Variants in ZFHX4 observed in about 807,000 individuals in gnomAD.
ZFHX4 encodes zinc finger homeobox protein 4.
A neutral mutation model predicts 267.6 loss-of-function variants in ZFHX4; 56 were observed. The observed-to-expected ratio is 0.21, with a 90% CI of 0.17 to 0.26. ZFHX4 has a LOEUF of 0.26. Among genes scored for constraint, ZFHX4 ranks in the 10% least tolerant of loss-of-function variants. The pLI is 1.00. For missense variants in ZFHX4, 4,332 were observed against 4,420.0 expected (o/e 0.98, Z 0.56); for synonymous variants, 1,778 against 1,665.6 (o/e 1.07, Z -1.64).
At chr8:76,808,307 A>G (rs955961919) in intron 4 of ZFHX4, among the ~76,000 whole-genome samples, 1 of 152,138 alleles carries the variant, frequency 6.6e-6, no homozygotes, top group Non-Finnish European at 1.5e-5. Flanking sequence ...CACCCAAATA[A>G]TCTATCTAAA....
At chr8:76,769,855 T>C (rs1192389471) in intron 3 of ZFHX4, among the ~76,000 whole-genome samples, 1 of 152,174 alleles carries the variant, frequency 6.6e-6, no homozygotes, top group Non-Finnish European at 1.5e-5. Context: ...TCCTGCCATA[T>C]TATTTGGTAT....
In ZFHX4 at chr8:76,840,512, T is replaced by C. The variant is rs1812207256; in HGVS notation, c.3395-2143T>C. ...GAAGAAGAGGACCCTGCAAAATCTC[T>C]CTGATGAGACCCAGATTATATACTG... is the stretch of plus-strand genomic sequence containing the variant. On this transcript the variant is annotated intron_variant, in intron 5 of 10. Coordinates refer to ENST00000651372, the MANE Select transcript of ZFHX4 (RefSeq NM_024721.5). Among the ~76,000 whole-genome samples, 3 of 152,204 alleles carry C rather than the reference T, an allele frequency of 2.0e-5. No homozygotes were observed. In the South Asian group the frequency reaches 6.2e-4, roughly 31 times the overall value.
At chr8:76,786,923 G>C (rs1025604145) in intron 4 of ZFHX4, among the ~76,000 whole-genome samples, 1 of 152,134 alleles carries the variant, frequency 6.6e-6, no homozygotes, top group Non-Finnish European at 1.5e-5. Context: ...ACCATCCATA[G>C]CATGATTGCT....
chr8:76,722,844 T>A (rs1808759778), intron 3 of ZFHX4, among the ~76,000 whole-genome samples: 1 of 152,034 alleles, frequency 6.6e-6, no homozygotes, highest in Non-Finnish European at 1.5e-5. Flanking sequence ...TTATTATTGG[T>A]AAGGCACTTT....
chr8:76,849,933 C>T, intron 8 of ZFHX4: 1 of 597,208 alleles, frequency 1.7e-6, no homozygotes, highest in Non-Finnish European at 2.9e-6. Flanking sequence ...CATTATTTTG[C>T]AGTCTTCTTT....
intron 4 of ZFHX4, among the ~76,000 whole-genome samples, chr8:76,787,204 T>C (rs1347522978): frequency 1.3e-5 from 2 of 152,126 alleles, no homozygotes; most frequent in Admixed American, 6.5e-5. Context: ...GTTTATAGTT[T>C]AAGGGGAAAA....
At chr8:76,798,955 T>C (rs1811051370) in intron 4 of ZFHX4, among the ~76,000 whole-genome samples, 1 of 152,202 alleles carries the variant, frequency 6.6e-6, no homozygotes, top group East Asian at 1.9e-4. Flanking sequence ...AGAGGATATT[T>C]TGTTTATTCA....
rs1386633743 is a variant in ZFHX4 at position 76,836,721 on chromosome 8, G to T, written c.3394+3315G>T. Reference sequence around the variant, plus strand: ...AAGTGAAATAGTAAGCTATGACAAGGTTCAAGCAGAAGAATGGATTGATTT... The same window carrying T: ...AAGTGAAATAGTAAGCTATGACAAGTTTCAAGCAGAAGAATGGATTGATTT... On this transcript the variant is annotated intron_variant, in intron 5 of 10. Coordinates refer to ENST00000651372, the MANE Select transcript of ZFHX4 (RefSeq NM_024721.5). Among the ~76,000 whole-genome samples, 6 of 152,010 alleles carry T rather than the reference G, an allele frequency of 3.9e-5. No homozygotes were observed. The South Asian group carries it at 1.2e-3, about 32-fold the overall frequency.
chr8:76,838,825 T>C (rs953570122), intron 5 of ZFHX4, among the ~76,000 whole-genome samples: 1 of 151,878 alleles, frequency 6.6e-6, no homozygotes, highest in Non-Finnish European at 1.5e-5. Context: ...AAAGGCTGAG[T>C]TGGCGGATCA....
chr8:76,846,599 G>A (rs1215220650), intron 6 of ZFHX4, among the ~76,000 whole-genome samples: 1 of 151,842 alleles, frequency 6.6e-6, no homozygotes, highest in East Asian at 1.9e-4. Context: ...TATTTTTGAT[G>A]AATATTAATA....
Position 76,850,227 on chromosome 8 carries a change from C to A in ZFHX4, c.3847-18C>A. The A allele has an allele frequency of 1.9e-6, 3 of 1,592,078 alleles. No homozygotes were observed. Among genetic ancestry groups the A allele is most frequent in the Non-Finnish European group, 2.6e-6 (3 of 1,164,844 alleles). The stretch of plus-strand genomic sequence containing the variant: ...ATTTCTGGGGTACATTTAACATAAA[C>A]CCCTTTGGTTTCCAAAGGTGCCTGT... On this transcript the variant is annotated intron_variant, in intron 8 of 10. Coordinates refer to ENST00000651372, the MANE Select transcript of ZFHX4 (RefSeq NM_024721.5).
At position 76,829,963 on chromosome 8, in the gene ZFHX4, C is replaced by CA. The variant is rs1023107051; in HGVS notation, c.3326-3368dup. ...TGAACGCTAGAAATAAATGCAGAAT[C>CA]AAAAAAAGGAAAGCTACTTTCCTTT... On this transcript the variant is annotated intron_variant, in intron 4 of 10. Coordinates refer to ENST00000651372, the MANE Select transcript of ZFHX4 (RefSeq NM_024721.5). Among the ~76,000 whole-genome samples the CA allele has an allele frequency of 2.6e-5, 4 of 151,738 alleles. 1 individual carries two copies. Among genetic ancestry groups the CA allele is most frequent in the African/African-American group, 9.7e-5 (4 of 41,300 alleles).
intron 5 of ZFHX4, among the ~76,000 whole-genome samples, chr8:76,842,426 G>A (rs533672613): frequency 2.4e-4 from 36 of 152,156 alleles, no homozygotes; most frequent in African/African-American, 8.7e-4. Flanking sequence ...ATTTAGTATA[G>A]ACCCATCCTC....
intron 3 of ZFHX4, among the ~76,000 whole-genome samples, chr8:76,715,207 T>A (rs1253273796): frequency 6.6e-6 from 1 of 152,024 alleles, no homozygotes; most frequent in African/African-American, 2.4e-5. Context: ...TAATAAAGAA[T>A]GCAGGCCAGG....
At chr8:76,837,892 A>C (rs980587702) in intron 5 of ZFHX4, among the ~76,000 whole-genome samples, 9 of 152,218 alleles carry the variant, frequency 5.9e-5, no homozygotes, top group African/African-American at 2.2e-4. Context: ...TAGAGAAAAA[A>C]ACAATAGTAC....
In ZFHX4 at chr8:76,866,954, G is replaced by A. The variant is rs148714232; in HGVS notation, c.*2389G>A. 2.0e-5 allele frequency: 3 copies of A among 152,652 alleles called. No individual in the cohort carries two copies. Among genetic ancestry groups the A allele is most frequent in the African/African-American group, 4.8e-5 (2 of 41,530 alleles). The allele number at this position is 152,652 out of a possible 1,614,324, so 9.5% of individuals were successfully genotyped here. On this transcript the variant is annotated 3_prime_UTR_variant, in exon 11 of 11. Coordinates refer to ENST00000651372, the MANE Select transcript of ZFHX4 (RefSeq NM_024721.5). ...TGTCTACACAACATGTACTCTCAAC[G>A]CCTGGGTTACATAGGAAATGCACCC...
chr8:76,778,721 T>C (rs1401484430), intron 4 of ZFHX4, among the ~76,000 whole-genome samples: 2 of 152,104 alleles, frequency 1.3e-5, no homozygotes, highest in Admixed American at 6.6e-5. Context: ...ACAGTGAAAT[T>C]TTTCCCCCCA....
chr8:76,847,725 A>T lies in ZFHX4; in HGVS notation c.3512-1270A>T, dbSNP rs571269081. ...AAACATGCATCTCTATCCACAGTTGAAATAGAATGTATTTTTTTTGTTTAT... is the reference window on the plus strand; with the variant it reads ...AAACATGCATCTCTATCCACAGTTGTAATAGAATGTATTTTTTTTGTTTAT... On this transcript the variant is annotated intron_variant, in intron 6 of 10. Transcript: ENST00000651372. 3.3e-5 allele frequency among the ~76,000 whole-genome samples: 5 copies of T among 151,980 alleles called. No homozygotes were observed. In the South Asian group the frequency reaches 6.2e-4, roughly 19 times the overall value.
At chr8:76,827,983 CTTGGTT>C (rs1811831610) in intron 4 of ZFHX4, among the ~76,000 whole-genome samples, 2 of 152,200 alleles carry the variant, frequency 1.3e-5, no homozygotes, top group African/African-American at 4.8e-5. Context: ...GATGATGTTG[CTTGGTT>C]ACTCAAAACC....
Sources: gnomAD v4.1 joint callset for allele counts (sites outside exome capture counted in the v4.1 genomes callset) on GRCh38, gnomAD v4.1.1 for gene constraint, MANE v1.5 for transcripts, NCBI Gene and HGNC (gene_info 2026-07-23, HGNC 2026-07-21) for gene names.